ADAMTS18: variants seen among roughly 807,000 people sequenced by gnomAD.
ADAMTS18 encodes ADAM metallopeptidase with thrombospondin type 1 motif 18, also known as A disintegrin and metalloproteinase with thrombospondin motifs 18.
In ADAMTS18, 157 loss-of-function variants were observed where a neutral mutation model predicts 165.9. That is an observed-to-expected ratio of 0.95 (90% CI 0.83 to 1.08). ADAMTS18 has a LOEUF of 1.08. Among genes scored for constraint, ADAMTS18 ranks in the 50% least tolerant of loss-of-function variants. ADAMTS18 has a pLI of 0.00. For missense variants in ADAMTS18, 2,040 were observed against 1,534.0 expected, an observed-to-expected ratio of 1.33 and a Z score of -5.51; for synonymous variants, 782 against 578.2, an observed-to-expected ratio of 1.35 and a Z score of -5.06.
At chr16:77,324,988 CCT>C (rs147490420) in intron 13 of ADAMTS18, among the ~76,000 whole-genome samples, 7,114 of 152,234 alleles carry the variant, frequency 0.047, 247 homozygotes, top group African/African-American at 0.091. Context: ...GCTGCACAAT[CCT>C]CTCTTTCGAT....
chr16:77,338,339 A>C (rs763603643), intron 11 of ADAMTS18, among the ~76,000 whole-genome samples: 8 of 151,950 alleles, frequency 5.3e-5, no homozygotes, highest in Non-Finnish European at 7.4e-5. Flanking sequence ...GGATTTAAGT[A>C]ATTCTTGGGC....
At chr16:77,415,252 G>A (rs1228695203) in intron 3 of ADAMTS18, among the ~76,000 whole-genome samples, 1 of 152,194 alleles carries the variant, frequency 6.6e-6, no homozygotes, top group Non-Finnish European at 1.5e-5. Context: ...TCCTCTATGA[G>A]ACTAGGAGCT....
chr16:77,288,731 C>T (rs1447426787), intron 22 of ADAMTS18, among the ~76,000 whole-genome samples: 2 of 152,076 alleles, frequency 1.3e-5, no homozygotes, highest in East Asian at 3.9e-4. Context: ...TATTGTTGTT[C>T]ACCTTTATGT....
At chr16:77,398,796 C>A (rs1310218185) in intron 3 of ADAMTS18, among the ~76,000 whole-genome samples, 1 of 152,130 alleles carries the variant, frequency 6.6e-6, no homozygotes, top group Admixed American at 6.5e-5. Flanking sequence ...CCATGGTTGA[C>A]AGCTACTGTT....
intron 3 of ADAMTS18, among the ~76,000 whole-genome samples, chr16:77,381,935 A>T (rs184015606): frequency 1.8e-4 from 27 of 152,292 alleles, no homozygotes; most frequent in African/African-American, 6.5e-4. Context: ...ACCTGGCTCA[A>T]TTGTTCTCTG....
chr16:77,354,261 C>G (rs2056597241), intron 9 of ADAMTS18, among the ~76,000 whole-genome samples: 1 of 152,124 alleles, frequency 6.6e-6, no homozygotes, highest in Admixed American at 6.5e-5. Context: ...ACTAAAGGTA[C>G]AAAATAAACC....
chr16:77,353,594 T>C (rs1380545733), intron 10 of ADAMTS18, 139 bp downstream of exon 10: 2 of 1,172,118 alleles, frequency 1.7e-6, no homozygotes, highest in East Asian at 2.5e-5. Context: ...CACTTAATTA[T>C]CATGCCAAAC....
chr16:77,361,783 C>G (rs2056717681), intron 7 of ADAMTS18, among the ~76,000 whole-genome samples: 2 of 152,010 alleles, frequency 1.3e-5, no homozygotes, highest in African/African-American at 4.8e-5. Flanking sequence ...ACTTGGGAGG[C>G]TGAGGCAGAA....
chr16:77,358,054 T>G lies in ADAMTS18; in HGVS notation c.1322+1264A>C, dbSNP rs78594562. On this transcript the variant is annotated intron_variant, in intron 8 of 22. Transcript: ENST00000282849. ...AACAAACTTAGACATACATTTGATA[T>G]GCACACATATTTTGTTTCCTGCTTT... is the stretch of plus-strand genomic sequence containing the variant. Among the ~76,000 whole-genome samples the G allele has an allele frequency of 3.9e-3, 592 of 152,370 alleles. 4 individuals carry two copies. The highest frequency in any genetic ancestry group is 0.013 in the African/African-American group (557 of 41,578).
intron 16 of ADAMTS18, among the ~76,000 whole-genome samples, chr16:77,313,467 A>G (rs2055822798): frequency 6.9e-6 from 1 of 144,426 alleles, no homozygotes; most frequent in South Asian, 2.2e-4. Flanking sequence ...ATAAATAAAT[A>G]AATAAATGAC....
intron 13 of ADAMTS18, 44 bp downstream of exon 13, chr16:77,325,822 T>G (rs1289203544): frequency 1.3e-6 from 2 of 1,565,644 alleles, no homozygotes; most frequent in Non-Finnish European, 1.8e-6. Flanking sequence ...ATCACATTAT[T>G]ATCCACATAG....
At chr16:77,295,455 T>C (rs2055451386) in intron 18 of ADAMTS18, among the ~76,000 whole-genome samples, 1 of 152,172 alleles carries the variant, frequency 6.6e-6, no homozygotes, top group Admixed American at 6.6e-5. Flanking sequence ...TCCTAAGCAT[T>C]AGGATTAGAA....
chr16:77,430,721 T>C (rs2057728368), intron 3 of ADAMTS18, among the ~76,000 whole-genome samples: 1 of 152,194 alleles, frequency 6.6e-6, no homozygotes. Context: ...TGGTCCCAAA[T>C]GCTTTTAAAA....
intron 16 of ADAMTS18, among the ~76,000 whole-genome samples, chr16:77,310,639 T>G (rs201952430): frequency 4.1e-5 from 3 of 73,890 alleles, no homozygotes; most frequent in African/African-American, 1.2e-4. Flanking sequence ...CCTTTTTTTC[T>G]TTTTTTTTTG....
intron 10 of ADAMTS18, among the ~76,000 whole-genome samples, chr16:77,350,448 G>T (rs2056539633): frequency 6.6e-6 from 1 of 152,142 alleles, no homozygotes; most frequent in Admixed American, 6.5e-5. Flanking sequence ...TTTATCAAGT[G>T]ATGCGACTGT....
In ADAMTS18 at chr16:77,367,436, C is replaced by G; in HGVS notation, c.778+5G>C. ...AACAGAAAAAGAAAAAGTTTCCTTA[C>G]ATACATTTCTTGCGTCGTCCACAAA... On this transcript the variant is annotated splice_donor_5th_base_variant and intron_variant, in intron 4 of 22. Transcript: ENST00000282849. The G allele has an allele frequency of 6.2e-7, 1 of 1,614,162 alleles. No individual in the cohort carries two copies. Among genetic ancestry groups the G allele is most frequent in the Non-Finnish European group, 8.5e-7 (1 of 1,180,026 alleles).
intron 16 of ADAMTS18, among the ~76,000 whole-genome samples, chr16:77,318,460 C>T (rs183573630): frequency 2.0e-5 from 3 of 152,292 alleles, no homozygotes; most frequent in African/African-American, 4.8e-5. Context: ...GTTTAAGGCT[C>T]GGTTTTCTCA....
intron 13 of ADAMTS18, among the ~76,000 whole-genome samples, chr16:77,325,568 G>T (rs2056078446): frequency 6.6e-6 from 1 of 151,778 alleles, no homozygotes; most frequent in Admixed American, 6.6e-5. Flanking sequence ...AAGATCCCTG[G>T]GAGACTTAAT....
Position 77,332,687 on chromosome 16 carries a change from G to A in ADAMTS18, c.1859+3069C>T, listed in dbSNP as rs543499917. ...ACACATGTTTCATGTGGGAGTTAGAGCATATAAAAGTAACATAAAACCACC... is the reference window on the plus strand; with the variant it reads ...ACACATGTTTCATGTGGGAGTTAGAACATATAAAAGTAACATAAAACCACC... On this transcript the variant is annotated intron_variant, in intron 12 of 22. Transcript: ENST00000282849. Among the ~76,000 whole-genome samples the A allele has an allele frequency of 8.5e-5, 13 of 152,226 alleles. No individual in the cohort carries two copies. In the South Asian group the frequency reaches 2.7e-3, roughly 32 times the overall value.
Sources: gnomAD v4.1 joint callset for allele counts (sites outside exome capture counted in the v4.1 genomes callset) on GRCh38, gnomAD v4.1.1 for gene constraint, MANE v1.5 for transcripts, NCBI Gene and HGNC (gene_info 2026-07-23, HGNC 2026-07-21) for gene names.